Variants in GRIK2 observed in about 807,000 individuals in gnomAD.
The protein encoded by GRIK2 is glutamate ionotropic receptor kainate type subunit 2.
GRIK2 carries 32 observed loss-of-function variants against 100.3 expected under a neutral mutation model. The observed-to-expected ratio is 0.32, with a 90% CI of 0.24 to 0.43. GRIK2 has a LOEUF of 0.43. Ranked by LOEUF, GRIK2 falls within the 20% of genes least tolerant of loss-of-function variation. The pLI is 1.00. For synonymous variants in GRIK2, 417 were observed against 389.4 expected (o/e 1.07, Z -0.83); for missense variants, 843 against 1,114.9 (o/e 0.76, Z 3.47).
rs529437478 is a variant in GRIK2, at chr6:101,930,018, C to T, written c.2085+1386C>T. On this transcript the variant is annotated intron_variant, in intron 14 of 16. Transcript: ENST00000369134. ...TTATAAGATTTCCTTTCTTATCAAA[C>T]GTGTTAATATTTTTGTGTTTTTATA... Among the ~76,000 whole-genome samples the T allele has an allele frequency of 5.6e-4, 85 of 152,074 alleles. 1 individual carries two copies. The highest frequency in any genetic ancestry group is 1.9e-3 in the African/African-American group (78 of 41,502).
At chr6:101,721,896 AT>A (rs1417280307) in intron 7 of GRIK2, among the ~76,000 whole-genome samples, 1 of 152,180 alleles carries the variant, frequency 6.6e-6, no homozygotes, top group African/African-American at 2.4e-5. Flanking sequence ...CTTAATTTCA[AT>A]ATGTTTCATG....
chr6:101,721,276 CA>C (rs913319680), intron 7 of GRIK2, among the ~76,000 whole-genome samples: 67 of 152,032 alleles, frequency 4.4e-4, no homozygotes, highest in African/African-American at 1.6e-3. Context: ...ATGTATTCAG[CA>C]AGGTAGGGTG....
chr6:101,504,439 A>AT (rs1220784454), intron 2 of GRIK2, among the ~76,000 whole-genome samples: 2 of 152,040 alleles, frequency 1.3e-5, no homozygotes, highest in Admixed American at 6.6e-5. Flanking sequence ...TTTTTTGGTA[A>AT]TTTTTTTCAG....
At chr6:101,453,786 T>A (rs974696136) in intron 2 of GRIK2, among the ~76,000 whole-genome samples, 1 of 152,060 alleles carries the variant, frequency 6.6e-6, no homozygotes, top group Non-Finnish European at 1.5e-5. Context: ...GTACCGTGAT[T>A]TTGTAAGCAC....
chr6:101,764,307 A>T (rs1281689289), intron 7 of GRIK2, among the ~76,000 whole-genome samples: 1 of 152,038 alleles, frequency 6.6e-6, no homozygotes, highest in Admixed American at 6.6e-5. Flanking sequence ...AAGTTTGGAA[A>T]CTCAATATCA....
At chr6:101,704,223 A>G (rs1005823461) in intron 7 of GRIK2, among the ~76,000 whole-genome samples, 13 of 151,708 alleles carry the variant, frequency 8.6e-5, no homozygotes, top group African/African-American at 3.1e-4. Flanking sequence ...CATGATGGAG[A>G]ATAAGACCTA....
chr6:101,660,085 C>T (rs1161010412), intron 4 of GRIK2, among the ~76,000 whole-genome samples: 2 of 152,184 alleles, frequency 1.3e-5, no homozygotes, highest in Admixed American at 6.5e-5. Flanking sequence ...TGGTTCCATT[C>T]TCCCCATCAC....
intron 2 of GRIK2, among the ~76,000 whole-genome samples, chr6:101,418,402 A>G (rs755491751): frequency 2.0e-5 from 3 of 152,154 alleles, no homozygotes; most frequent in Non-Finnish European, 4.4e-5. Flanking sequence ...TAGATTACGT[A>G]TCGAGGGGTG....
rs35138074 is a variant in GRIK2 at position 102,044,592 on chromosome 6, A to C, written c.2311+9026A>C. The stretch of plus-strand genomic sequence containing the variant: ...GTGAGACTTATTCACTACCACGAGA[A>C]CAGTATGGGGAACCACCCACATGAT... On this transcript the variant is annotated intron_variant, in intron 15 of 16. Coordinates refer to ENST00000369134, the MANE Select transcript of GRIK2 (RefSeq NM_021956.5). 3.3e-4 allele frequency among the ~76,000 whole-genome samples: 50 copies of C among 152,170 alleles called. 1 individual carries two copies. Among genetic ancestry groups the C allele is most frequent in the African/African-American group, 1.2e-3 (50 of 41,540 alleles).
intron 7 of GRIK2, among the ~76,000 whole-genome samples, chr6:101,728,825 A>T (rs1026992685): frequency 5.3e-5 from 8 of 152,002 alleles, no homozygotes; most frequent in African/African-American, 1.7e-4. Context: ...AACCTGCCCA[A>T]CCCCAAACTA....
intron 14 of GRIK2, among the ~76,000 whole-genome samples, chr6:101,972,185 A>T (rs1793093096): frequency 6.6e-6 from 1 of 152,018 alleles, no homozygotes; most frequent in Admixed American, 6.6e-5. Context: ...GGCTTTCCAC[A>T]GTGGCTGAAA....
At chr6:101,485,656 G>T (rs1772781777) in intron 2 of GRIK2, among the ~76,000 whole-genome samples, 2 of 152,124 alleles carry the variant, frequency 1.3e-5, no homozygotes, top group Non-Finnish European at 2.9e-5. Context: ...AACGGTCCGG[G>T]AAGTTTTATA....
intron 2 of GRIK2, among the ~76,000 whole-genome samples, chr6:101,501,765 T>C (rs142299353): frequency 1.5e-3 from 224 of 152,218 alleles, no homozygotes; most frequent in African/African-American, 5.2e-3. Context: ...TTTTGTTTTG[T>C]TTTGTTTTCC....
intron 16 of GRIK2, among the ~76,000 whole-genome samples, chr6:102,061,493 A>G (rs192418666): frequency 4.7e-5 from 7 of 150,486 alleles, no homozygotes; most frequent in African/African-American, 2.4e-5. Context: ...ATTTTTCACT[A>G]AGGAAATATA....
intron 14 of GRIK2, among the ~76,000 whole-genome samples, chr6:101,971,874 C>T (rs558138248): frequency 2.0e-5 from 3 of 151,886 alleles, no homozygotes; most frequent in Non-Finnish European, 4.4e-5. Flanking sequence ...TGCATTAATT[C>T]ACCGAGGATT....
At chr6:101,640,841 T>G (rs1781247185) in intron 4 of GRIK2, among the ~76,000 whole-genome samples, 1 of 152,130 alleles carries the variant, frequency 6.6e-6, no homozygotes. Context: ...AATATACAAA[T>G]TTTCATATTT....
At chr6:101,692,386 A>G (rs1396014136) in intron 7 of GRIK2, among the ~76,000 whole-genome samples, 1 of 152,142 alleles carries the variant, frequency 6.6e-6, no homozygotes, top group Non-Finnish European at 1.5e-5. Flanking sequence ...TTAAAAATCA[A>G]TTTTAATACT....
intron 12 of GRIK2, among the ~76,000 whole-genome samples, chr6:101,915,556 T>TTATCTA (rs57590027): frequency 6.6e-6 from 1 of 150,948 alleles, no homozygotes; most frequent in African/African-American, 2.4e-5. Context: ...TTTTAGGAAA[T>TTATCTA]TATTTCTTAG....
Position 101,425,666 on chromosome 6 carries a change from T to C in GRIK2, c.115+26274T>C, listed in dbSNP as rs187360887. Among the ~76,000 whole-genome samples, 190 of 152,344 alleles carry C rather than the reference T, an allele frequency of 1.2e-3. 2 individuals carry two copies. Among genetic ancestry groups the C allele is most frequent in the Admixed American group, 0.011 (172 of 15,290 alleles). ...ATTGAATTTTCTTGCAATCAACTCA[T>C]GTATCACAGGCCAATTCAAATTTAT... On this transcript the variant is annotated intron_variant, in intron 2 of 16. Transcript: ENST00000369134.
Sources: gnomAD v4.1 joint callset for allele counts (sites outside exome capture counted in the v4.1 genomes callset) on GRCh38, gnomAD v4.1.1 for gene constraint, MANE v1.5 for transcripts, NCBI Gene and HGNC (gene_info 2026-07-23, HGNC 2026-07-21) for gene names.